PRKN: variants seen among roughly 807,000 people sequenced by gnomAD.
PRKN encodes the protein E3 ubiquitin-protein ligase parkin.
In PRKN, 56 loss-of-function variants were observed where a neutral mutation model predicts 59.5. The ratio of observed to expected loss-of-function variants is 0.94; its 90% CI spans 0.76 to 1.18. PRKN has a LOEUF of 1.18. PRKN is among the 50% of genes most tolerant of loss of function. The pLI, the probability that PRKN is intolerant of heterozygous loss-of-function variation, is 0.00. For missense variants in PRKN, 657 were observed against 596.4 expected, an observed-to-expected ratio of 1.10 and a Z score of -1.06; for synonymous variants, 250 against 222.1, an observed-to-expected ratio of 1.13 and a Z score of -1.12.
intron 7 of PRKN, among the ~76,000 whole-genome samples, chr6:161,633,894 C>T (rs1402728284): frequency 6.6e-6 from 1 of 151,922 alleles, no homozygotes; most frequent in African/African-American, 2.4e-5. Context: ...CAAAATGTCT[C>T]CTGTCAGACG....
intron 2 of PRKN, among the ~76,000 whole-genome samples, chr6:162,400,028 G>C (rs1787682767): frequency 6.6e-6 from 1 of 152,114 alleles, no homozygotes; most frequent in African/African-American, 2.4e-5. Context: ...CCACCATGGT[G>C]AAACCCCATC....
chr6:161,702,324 A>G (rs1439195806), intron 7 of PRKN, among the ~76,000 whole-genome samples: 1 of 152,236 alleles, frequency 6.6e-6, no homozygotes. Context: ...GATCTGCAGC[A>G]GCCCATCCAT....
intron 6 of PRKN, among the ~76,000 whole-genome samples, chr6:161,970,223 G>A (rs1024091522): frequency 1.4e-4 from 21 of 151,572 alleles, no homozygotes; most frequent in African/African-American, 5.1e-4. Context: ...TATATTTTTT[G>A]TAGGGACAGG....
intron 7 of PRKN, among the ~76,000 whole-genome samples, chr6:161,723,286 C>T (rs1205573862): frequency 6.6e-6 from 1 of 151,754 alleles, no homozygotes; most frequent in Non-Finnish European, 1.5e-5. Flanking sequence ...AAAAAAAGTG[C>T]ATGTCTACAT....
At chr6:162,286,448 A>G (rs1781196978) in intron 2 of PRKN, among the ~76,000 whole-genome samples, 1 of 152,146 alleles carries the variant, frequency 6.6e-6, no homozygotes, top group African/African-American at 2.4e-5. Flanking sequence ...CTTCACCAAC[A>G]TTTCCAACTC....
chr6:162,634,253 G>A (rs1777625053), intron 1 of PRKN, among the ~76,000 whole-genome samples: 1 of 152,134 alleles, frequency 6.6e-6, no homozygotes, highest in Non-Finnish European at 1.5e-5. Context: ...CAAAGGGCCA[G>A]GTGGTAAATG....
intron 5 of PRKN, among the ~76,000 whole-genome samples, chr6:162,020,827 C>T (rs1484079028): frequency 6.6e-6 from 1 of 151,662 alleles, no homozygotes; most frequent in African/African-American, 2.4e-5. Context: ...GTAATGGGCC[C>T]GGCGCGGTGG....
chr6:161,846,746 G>T (rs1793214131), intron 6 of PRKN, among the ~76,000 whole-genome samples: 1 of 152,172 alleles, frequency 6.6e-6, no homozygotes, highest in Non-Finnish European at 1.5e-5. Flanking sequence ...ATTCCATCAT[G>T]TAGAAAAAGA....
chr6:162,449,164 G>A (rs1562772978), intron 1 of PRKN, among the ~76,000 whole-genome samples: 1 of 152,106 alleles, frequency 6.6e-6, no homozygotes, highest in Non-Finnish European at 1.5e-5. Flanking sequence ...TGGTATTACA[G>A]GCATGAGCCA....
chr6:162,516,812 T>C (rs984435647), intron 1 of PRKN, among the ~76,000 whole-genome samples: 2 of 151,986 alleles, frequency 1.3e-5, no homozygotes, highest in Non-Finnish European at 2.9e-5. Flanking sequence ...ACATTTCTTA[T>C]TGAAACATTC....
At chr6:162,327,491 G>C (rs1783347538) in intron 2 of PRKN, among the ~76,000 whole-genome samples, 1 of 151,898 alleles carries the variant, frequency 6.6e-6, no homozygotes, top group Non-Finnish European at 1.5e-5. Flanking sequence ...CAGTTTCAAT[G>C]TTAGGTTTTG....
intron 6 of PRKN, among the ~76,000 whole-genome samples, chr6:161,906,729 C>A (rs1219471157): frequency 1.4e-5 from 2 of 147,388 alleles, no homozygotes; most frequent in Non-Finnish European, 3.0e-5. Flanking sequence ...AGATAAGGAG[C>A]AAGGAAGCCA....
intron 7 of PRKN, among the ~76,000 whole-genome samples, chr6:161,782,052 C>G (rs951883934): frequency 1.3e-5 from 2 of 152,070 alleles, no homozygotes; most frequent in Admixed American, 6.5e-5. Flanking sequence ...TGCAGTAACC[C>G]CTCTTCTAGG....
At chr6:162,480,430 A>T (rs537956428) in intron 1 of PRKN, among the ~76,000 whole-genome samples, 1 of 152,138 alleles carries the variant, frequency 6.6e-6, no homozygotes, top group African/African-American at 2.4e-5. Context: ...AATAGGGAGG[A>T]GAGGAAGAAG....
chr6:161,638,740 T>TTTTC (rs1783622792), intron 7 of PRKN, among the ~76,000 whole-genome samples: 1 of 136,408 alleles, frequency 7.3e-6, no homozygotes, highest in South Asian at 2.5e-4. Context: ...GAGATCTGAT[T>TTTTC]TTTTTTTTTT....
chr6:162,044,796 C>A (rs1408088066), intron 5 of PRKN, among the ~76,000 whole-genome samples: 1 of 152,210 alleles, frequency 6.6e-6, no homozygotes, highest in Non-Finnish European at 1.5e-5. Flanking sequence ...TTGGGCCTCA[C>A]CTCCATGAAG....
chr6:161,569,283 G>A (rs937362432), intron 8 of PRKN, 72 bp downstream of exon 8: 1 of 1,397,576 alleles, frequency 7.2e-7, no homozygotes, highest in Admixed American at 1.7e-5. Flanking sequence ...GGCCTCCCTG[G>A]GGAGCCCAAA....
chr6:161,569,619 C>A (rs961769951), intron 7 of PRKN, among the ~76,000 whole-genome samples: 5 of 152,200 alleles, frequency 3.3e-5, no homozygotes, highest in Non-Finnish European at 1.5e-5. Flanking sequence ...TCCAACCGCA[C>A]CTCTTTAGAA....
rs764336787 is a variant in PRKN, at chr6:161,480,088, C to T, written c.1083+68766G>A. Among the ~76,000 whole-genome samples the T allele has an allele frequency of 3.9e-5, 6 of 152,170 alleles. No homozygotes were observed. Among genetic ancestry groups the T allele is most frequent in the African/African-American group, 4.8e-5 (2 of 41,440 alleles). ...CTTGATGAGGAGGGCAGCCTTCAGCCGTGTGCAGGCCATAGCATGAGCGAG... is the reference window on the plus strand; with the variant it reads ...CTTGATGAGGAGGGCAGCCTTCAGCTGTGTGCAGGCCATAGCATGAGCGAG... On this transcript the variant is annotated intron_variant, in intron 9 of 11. Transcript: ENST00000366898. The surrounding 1 kb of genome is among the most constrained non-coding windows in gnomAD (Gnocchi z 4.1).
Sources: allele counts gnomAD v4.1 joint callset (sites outside exome capture counted in the v4.1 genomes callset), GRCh38; gene constraint gnomAD v4.1.1; non-coding constraint Gnocchi (gnomAD v3.1); transcripts MANE v1.5; gene names NCBI Gene and HGNC (gene_info 2026-07-23, HGNC 2026-07-21).